The following MATN2 variants were observed in gnomAD, a reference collection of about 807,000 sequenced individuals.
The protein encoded by MATN2 is matrilin 2.
Under a neutral mutation model 103.2 loss-of-function variants are expected in MATN2, and 69 were observed. That is an observed-to-expected ratio of 0.67 (90% CI 0.55 to 0.82). MATN2 has a LOEUF of 0.82. Ranked by LOEUF, MATN2 falls within the 40% of genes least tolerant of loss-of-function variation. The pLI is 0.00. For missense variants in MATN2, 1,023 were observed against 1,211.5 expected (o/e 0.84, Z 2.31); for synonymous variants, 429 against 450.2 (o/e 0.95, Z 0.60).
intron 5 of MATN2, among the ~76,000 whole-genome samples, chr8:97,972,015 G>A (rs186338380): frequency 1.3e-5 from 2 of 151,944 alleles, no homozygotes; most frequent in Non-Finnish European, 2.9e-5. Flanking sequence ...GGTCAACATG[G>A]TGAAAACCTG....
intron 4 of MATN2, among the ~76,000 whole-genome samples, chr8:97,944,897 A>T (rs1810694519): frequency 1.3e-5 from 2 of 152,214 alleles, no homozygotes. Flanking sequence ...ATGAAAAGCC[A>T]TGTGGGTGAC....
chr8:97,950,056 G>T (rs944614517), intron 4 of MATN2, among the ~76,000 whole-genome samples: 1 of 152,140 alleles, frequency 6.6e-6, no homozygotes, highest in East Asian at 1.9e-4. Context: ...GGAAACTTGG[G>T]GGGGTGATGA....
chr8:97,988,152 C>CAAAAAA (rs869146483), intron 6 of MATN2, among the ~76,000 whole-genome samples: 17 of 65,854 alleles, frequency 2.6e-4, no homozygotes, highest in African/African-American at 5.7e-4. Context: ...CCATCTCCAC[C>CAAAAAA]AAAAAAAAAA....
intron 3 of MATN2, among the ~76,000 whole-genome samples, chr8:97,939,580 A>T (rs566194048): frequency 1.3e-5 from 2 of 152,238 alleles, no homozygotes; most frequent in South Asian, 4.2e-4. Flanking sequence ...AGCCCCGGAG[A>T]TTGAGGCTGC....
intron 1 of MATN2, among the ~76,000 whole-genome samples, chr8:97,881,472 C>A (rs188696493): frequency 8.5e-5 from 13 of 152,178 alleles, no homozygotes; most frequent in Admixed American, 7.2e-4. Flanking sequence ...TCCCCCACCC[C>A]CTTGGTGAAG....
intron 8 of MATN2, among the ~76,000 whole-genome samples, chr8:98,006,435 A>G (rs1210602680): frequency 6.6e-6 from 1 of 152,168 alleles, no homozygotes; most frequent in East Asian, 1.9e-4. Flanking sequence ...CCCTATTCCT[A>G]TAAGAAAGCA....
intron 2 of MATN2, among the ~76,000 whole-genome samples, chr8:97,891,477 A>G (rs1276095947): frequency 6.6e-6 from 1 of 152,050 alleles, no homozygotes; most frequent in Non-Finnish European, 1.5e-5. Flanking sequence ...AGCTGAGACT[A>G]CAGGCACATG....
intron 2 of MATN2, among the ~76,000 whole-genome samples, chr8:97,893,465 TC>T (rs1483465372): frequency 6.6e-6 from 1 of 152,198 alleles, no homozygotes; most frequent in African/African-American, 2.4e-5. Context: ...TACCCCACTT[TC>T]CTATGAGGAG....
chr8:97,960,815 A>C (rs1222760555), intron 4 of MATN2, among the ~76,000 whole-genome samples: 1 of 151,680 alleles, frequency 6.6e-6, no homozygotes, highest in South Asian at 2.1e-4. Flanking sequence ...TGTTTTTTTT[A>C]TGTTATTTAT....
In MATN2 at chr8:97,992,745, C is replaced by CAAAAAAAAAAAA. The variant is rs58985201; in HGVS notation, c.1082-1721_1082-1710dup. ...TGGGTGTTAGAGTGAGACTCCATCT[C>CAAAAAAAAAAAA]AAAAAAAAAAAAAAAAAAAAAAAAA... On this transcript the variant is annotated intron_variant, in intron 6 of 18. Coordinates refer to ENST00000254898, the MANE Select transcript of MATN2 (RefSeq NM_002380.5). Among the ~76,000 whole-genome samples the CAAAAAAAAAAAA allele has an allele frequency of 3.5e-3, 175 of 49,560 alleles. 13 individuals are homozygous for CAAAAAAAAAAAA. Among genetic ancestry groups the CAAAAAAAAAAAA allele is most frequent in the African/African-American group, 0.012 (129 of 11,008 alleles). 32.5% of individuals were successfully genotyped at this position (49,560 alleles called of 152,430 possible).
At chr8:98,023,718 G>T (rs1000315150) in intron 13 of MATN2, among the ~76,000 whole-genome samples, 7 of 152,020 alleles carry the variant, frequency 4.6e-5, no homozygotes, top group Non-Finnish European at 8.8e-5. Flanking sequence ...TGAGCCCAGT[G>T]CTCACACACA....
intron 14 of MATN2, 58 bp from the exon 15 acceptor site, chr8:98,030,404 T>C (rs762641315): frequency 1.3e-6 from 2 of 1,482,490 alleles, no homozygotes; most frequent in Non-Finnish European, 1.8e-6. Context: ...ACACACAACT[T>C]CCAGCCCCTG....
intron 3 of MATN2, among the ~76,000 whole-genome samples, chr8:97,939,075 C>T (rs2130173511): frequency 1.3e-5 from 2 of 151,350 alleles, no homozygotes; most frequent in South Asian, 4.2e-4. Context: ...CAGGGTTTCA[C>T]CATGTTGGCC....
chr8:97,901,919 T>C (rs1818995467), intron 2 of MATN2, among the ~76,000 whole-genome samples: 1 of 152,232 alleles, frequency 6.6e-6, no homozygotes, highest in African/African-American at 2.4e-5. Flanking sequence ...TCTATTTTGG[T>C]CATTGATATC....
chr8:97,946,537 G>A (rs971515604), intron 4 of MATN2, among the ~76,000 whole-genome samples: 6 of 152,072 alleles, frequency 3.9e-5, no homozygotes, highest in Non-Finnish European at 7.4e-5. Context: ...AAGTGTGCCC[G>A]TCTTCACATG....
chr8:97,911,694 A>G (rs933199930), intron 2 of MATN2, among the ~76,000 whole-genome samples: 5 of 151,982 alleles, frequency 3.3e-5, no homozygotes, highest in Non-Finnish European at 7.4e-5. Flanking sequence ...TGACAGAGTG[A>G]GACTCTGTCT....
intron 10 of MATN2, among the ~76,000 whole-genome samples, chr8:98,015,092 T>C (rs1813313914): frequency 6.6e-6 from 1 of 152,214 alleles, no homozygotes; most frequent in African/African-American, 2.4e-5. Flanking sequence ...GGCAATGCCA[T>C]CCTTCAGTTG....
chr8:97,963,210 C>A (rs1484556278), intron 5 of MATN2, among the ~76,000 whole-genome samples: 1 of 152,190 alleles, frequency 6.6e-6, no homozygotes, highest in Admixed American at 6.5e-5. Flanking sequence ...TTTTGTTTTA[C>A]AACCTGCTTT....
rs995136547 is a variant in MATN2 at position 98,033,790 on chromosome 8, G to C, written c.2815+131G>C. ...ACAAAGAACAGTGATCTCCAGGAAAGGCTTTTTGCTTTAAAAAGCAGCCTC... is the reference window on the plus strand; with the variant it reads ...ACAAAGAACAGTGATCTCCAGGAAACGCTTTTTGCTTTAAAAAGCAGCCTC... On this transcript the variant is annotated intron_variant, in intron 18 of 18. Transcript: ENST00000254898. 7 of 683,364 alleles carry C rather than the reference G, an allele frequency of 1.0e-5. No individual in the cohort carries two copies. In the South Asian group the frequency reaches 1.0e-4, roughly 10 times the overall value. 42.3% of individuals were successfully genotyped at this position (683,364 alleles called of 1,614,324 possible). A position where few individuals can be genotyped will look rare whatever the true frequency, so the allele number is the denominator to read the frequency against.
Sources: allele counts gnomAD v4.1 joint callset (sites outside exome capture counted in the v4.1 genomes callset), GRCh38; gene constraint gnomAD v4.1.1; transcripts MANE v1.5; gene names NCBI Gene and HGNC (gene_info 2026-07-23, HGNC 2026-07-21).